Variants in SGTA observed in about 807,000 individuals in gnomAD.
SGTA encodes small glutamine rich tetratricopeptide repeat co-chaperone alpha, also known as small glutamine-rich tetratricopeptide repeat-containing protein alpha.
A neutral mutation model predicts 44.3 loss-of-function variants in SGTA; 22 were observed. The ratio of observed to expected loss-of-function variants is 0.50; its 90% CI spans 0.36 to 0.71. SGTA has a LOEUF of 0.71. Ranked by LOEUF, SGTA falls within the 30% of genes least tolerant of loss-of-function variation. The pLI is 0.00. For synonymous variants in SGTA, 174 were observed against 177.6 expected (o/e 0.98, Z 0.16); for missense variants, 341 against 435.9 (o/e 0.78, Z 1.94).
rs1915070421 is a variant in SGTA at position 2,763,853 on chromosome 19, T to C, written c.393-96A>G. 8.9e-6 allele frequency: 8 copies of C among 900,498 alleles called. No individual in the cohort carries two copies. Among genetic ancestry groups the C allele is most frequent in the Non-Finnish European group, 1.2e-5 (7 of 586,220 alleles). 55.8% of individuals were successfully genotyped at this position (900,498 alleles called of 1,614,324 possible). A position where few individuals can be genotyped will look rare whatever the true frequency, so the allele number is the denominator to read the frequency against. ...CCTGAGAGCTGCGTTCCTCTCCAACTTCCTGGAGGAACGGCCTCAGTTTTC... is the reference window on the plus strand; with the variant it reads ...CCTGAGAGCTGCGTTCCTCTCCAACCTCCTGGAGGAACGGCCTCAGTTTTC... On this transcript the variant is annotated intron_variant, in intron 5 of 11. Coordinates refer to ENST00000221566, the MANE Select transcript of SGTA (RefSeq NM_003021.4). The surrounding 1 kb of genome is among the most constrained non-coding windows in gnomAD (Gnocchi z 5.8).
intron 1 of SGTA, 88 bp from the exon 2 acceptor site, chr19:2,769,179 C>T (rs1915231926): frequency 1.4e-6 from 1 of 739,074 alleles, no homozygotes; most frequent in Non-Finnish European, 2.3e-6. Flanking sequence ...CTGGGCCTCA[C>T]TTTAAGGGTG....
intron 9 of SGTA, 65 bp from the exon 10 acceptor site, chr19:2,757,847 C>T (rs1377351532): frequency 1.0e-5 from 11 of 1,071,560 alleles, no homozygotes; most frequent in African/African-American, 3.2e-5. Context: ...TGCAGGCCCT[C>T]GCAGTGGCCC....
At chr19:2,775,712 C>G (rs1915431091) in intron 1 of SGTA, among the ~76,000 whole-genome samples, 1 of 152,114 alleles carries the variant, frequency 6.6e-6, no homozygotes, top group South Asian at 2.1e-4. Context: ...TGGTGGGGAC[C>G]AGCTTCCTTG....
intron 2 of SGTA, among the ~76,000 whole-genome samples, chr19:2,768,251 G>C (rs1402510985): frequency 6.6e-6 from 1 of 152,112 alleles, no homozygotes; most frequent in Non-Finnish European, 1.5e-5. Flanking sequence ...ACTAGCCCTG[G>C]CCGCCTCCTC....
At position 2,761,502 on chromosome 19, in the gene SGTA, G is replaced by A. The variant is rs111283489; in HGVS notation, c.657C>T (p.Phe219=). 7.2e-3 allele frequency: 11,165 copies of A among 1,551,506 alleles called. 63 individuals are homozygous for A. Among genetic ancestry groups the A allele is most frequent in the Non-Finnish European group, 8.4e-3 (9,662 of 1,146,886 alleles). ...GGTTGTTCAGCAGGCCGGCGATGTC[G>A]AAGCTGCCCACGCCTCCCGTCTGAG... The part of the protein sequence containing the change: ...APSPTGGVGS[F]DIAGLLNNPG... The change falls in exon 8 of 12, where the codon TTC becomes TTT. Residue 219 remains phenylalanine, a synonymous_variant. Coordinates refer to ENST00000221566, the MANE Select transcript of SGTA (RefSeq NM_003021.4). The surrounding 1 kb of genome is among the most constrained non-coding windows in gnomAD (Gnocchi z 5.7).
In SGTA at chr19:2,763,726, C is replaced by A; in HGVS notation, c.424G>T (p.Ala142Ser). Residue 142 changes from alanine to serine, a missense_variant, in exon 6 of 12, where the codon GCA (alanine) becomes TCA (serine). Coordinates refer to ENST00000221566, the MANE Select transcript of SGTA (RefSeq NM_003021.4). The surrounding 1 kb of genome is among the most constrained non-coding windows in gnomAD (Gnocchi z 5.8). Reference protein sequence around the residue: ...AAAYSKLGNYAGAVQDCERAI... With the variant: ...AAAYSKLGNYSGAVQDCERAI... ...CGCTCACAGTCCTGCACCGCGCCTG[C>A]GTAGTTGCCGAGTTTGCTGTAGGCT... 1.9e-6 allele frequency: 3 copies of A among 1,613,750 alleles called. No individual in the cohort carries two copies. Among genetic ancestry groups the A allele is most frequent in the Non-Finnish European group, 2.5e-6 (3 of 1,179,922 alleles).
At chr19:2,778,496 C>CG (rs1266114641) in intron 1 of SGTA, among the ~76,000 whole-genome samples, 1 of 136,870 alleles carries the variant, frequency 7.3e-6, no homozygotes, top group Non-Finnish European at 1.6e-5. Context: ...CCTGGAACAC[C>CG]GCCCCCCCCG....
In SGTA at chr19:2,761,315, A is replaced by C; in HGVS notation, c.699+145T>G. Reference sequence around the variant, plus strand: ...GTGCTGCCAGCGCCCTGCGGTGCCCAGGACGACCCCACAGACAAGACCCAT... The same window carrying C: ...GTGCTGCCAGCGCCCTGCGGTGCCCCGGACGACCCCACAGACAAGACCCAT... On this transcript the variant is annotated intron_variant, in intron 8 of 11. Coordinates refer to ENST00000221566, the MANE Select transcript of SGTA (RefSeq NM_003021.4). The surrounding 1 kb of genome is among the most constrained non-coding windows in gnomAD (Gnocchi z 5.7). The C allele has an allele frequency of 7.9e-6, 6 of 764,184 alleles. No homozygotes were observed. The Admixed American group carries it at 1.3e-4, about 17-fold the overall frequency. 47.3% of individuals were successfully genotyped at this position (764,184 alleles called of 1,614,324 possible). A position where few individuals can be genotyped will look rare whatever the true frequency, so the allele number is the denominator to read the frequency against.
Position 2,757,797 on chromosome 19 carries a change from G to T in SGTA, c.738-15C>A. 1.9e-6 allele frequency: 3 copies of T among 1,543,296 alleles called. No homozygotes were observed. The highest frequency in any genetic ancestry group is 2.0e-5 in the Admixed American group (1 of 49,806). ...TGCCGGACATGCTGCAGGAGAGAGC[G>T]CGTGACTCGCAGCCGGGACAGCCTG... On this transcript the variant is annotated splice_polypyrimidine_tract_variant and intron_variant, in intron 9 of 11. Transcript: ENST00000221566.
chr19:2,756,719 C>G (rs1454976428), intron 11 of SGTA, among the ~76,000 whole-genome samples: 1 of 151,878 alleles, frequency 6.6e-6, no homozygotes, highest in Non-Finnish European at 1.5e-5. Context: ...CCGGTGTCTG[C>G]TGGAGACGGA....
At chr19:2,775,339 G>T (rs759066) in intron 1 of SGTA, among the ~76,000 whole-genome samples, 34,081 of 152,102 alleles carry the variant, frequency 0.22, 4,160 homozygotes, top group East Asian at 0.51. Context: ...TGAGGCGTGG[G>T]CTGCCTGACC....
In SGTA at chr19:2,763,250, C is replaced by G. The variant is rs566814269; in HGVS notation, c.497+403G>C. ...GCTTATGCTGGGAGGGCGGCACCGG[C>G]TGCACGGGGCGCAGGCTCCTGCCCC... On this transcript the variant is annotated intron_variant, in intron 6 of 11. Coordinates refer to ENST00000221566, the MANE Select transcript of SGTA (RefSeq NM_003021.4). This position sits in a 1 kb window ranked among gnomAD's most constrained non-coding sequence, Gnocchi z 5.8. Among the ~76,000 whole-genome samples, 9 of 152,328 alleles carry G rather than the reference C, an allele frequency of 5.9e-5. No homozygotes were observed. The highest frequency in any genetic ancestry group is 5.2e-4 in the Admixed American group (8 of 15,306).
Position 2,755,548 on chromosome 19 carries a change from G to T in SGTA, c.*392C>A, listed in dbSNP as rs1482020965. The T allele has an allele frequency of 3.0e-6, 3 of 986,190 alleles. No individual in the cohort carries two copies. The highest frequency in any genetic ancestry group is 3.6e-6 in the Non-Finnish European group (3 of 830,174). The allele number at this position is 986,190 out of a possible 1,614,324, so 61.1% of individuals were successfully genotyped here. A position where few individuals can be genotyped will look rare whatever the true frequency, so the allele number is the denominator to read the frequency against. The stretch of plus-strand genomic sequence containing the variant: ...CTGCAGACAGACCACGGGATGGGGG[G>T]CGGGGGCTGTAAAAGGCTTTGGAAG... On this transcript the variant is annotated 3_prime_UTR_variant, in exon 12 of 12. Coordinates refer to ENST00000221566, the MANE Select transcript of SGTA (RefSeq NM_003021.4). The surrounding 1 kb of genome is among the most constrained non-coding windows in gnomAD (Gnocchi z 5.2).
In SGTA at chr19:2,755,960, T is replaced by A. The variant is rs1914809854; in HGVS notation, c.*7-27A>T. On this transcript the variant is annotated intron_variant, in intron 11 of 11. Transcript: ENST00000221566. This position sits in a 1 kb window ranked among gnomAD's most constrained non-coding sequence, Gnocchi z 5.2. ...TGGAAGGGGACAGACATGAAGGCTG[T>A]CAGAGCGCAGGTGGGGACCAAGGCT... 2.0e-6 allele frequency: 2 copies of A among 985,082 alleles called. No homozygotes were observed. Among genetic ancestry groups the A allele is most frequent in the Non-Finnish European group, 2.4e-6 (2 of 829,706 alleles). The allele number at this position is 985,082 out of a possible 1,614,324, so 61.0% of individuals were successfully genotyped here. A position where few individuals can be genotyped will look rare whatever the true frequency, so the allele number is the denominator to read the frequency against.
intron 11 of SGTA, 60 bp downstream of exon 11, chr19:2,757,277 G>A (rs2144717553): frequency 6.4e-7 from 1 of 1,569,408 alleles, no homozygotes; most frequent in East Asian, 2.3e-5. Flanking sequence ...CTCACTGCCA[G>A]GCACTCACGT....
At chr19:2,771,656 G>C (rs956966193) in intron 1 of SGTA, among the ~76,000 whole-genome samples, 7 of 151,954 alleles carry the variant, frequency 4.6e-5, no homozygotes, top group African/African-American at 1.7e-4. Context: ...GTGGACGGGT[G>C]CTGGTGCACC....
intron 1 of SGTA, among the ~76,000 whole-genome samples, chr19:2,771,639 C>T (rs1195130453): frequency 6.6e-6 from 1 of 151,088 alleles, no homozygotes. Flanking sequence ...CCCACACAGG[C>T]AGGTACGTGG....
chr19:2,777,670 G>GT (rs1915473112), intron 1 of SGTA: 3 of 152,166 alleles, frequency 2.0e-5, no homozygotes, highest in African/African-American at 4.8e-5. Flanking sequence ...AAATGATTCT[G>GT]TAACAGGCGG....
chr19:2,774,301 CAT>C (rs372662330), intron 1 of SGTA, among the ~76,000 whole-genome samples: 10 of 152,268 alleles, frequency 6.6e-5, no homozygotes, highest in African/African-American at 2.4e-4. Flanking sequence ...CCCAGGATCA[CAT>C]AGACAGGAGA....
Sources: gnomAD v4.1 joint callset for allele counts (sites outside exome capture counted in the v4.1 genomes callset) on GRCh38, gnomAD v4.1.1 for gene constraint, Gnocchi (gnomAD v3.1) non-coding constraint, MANE v1.5 for transcripts, NCBI Gene and HGNC (gene_info 2026-07-23, HGNC 2026-07-21) for gene names.